Variants in AKNA observed in about 807,000 individuals in gnomAD.
AKNA encodes microtubule organization protein AKNA.
In AKNA, 67 loss-of-function variants were observed where a neutral mutation model predicts 138.8. That is an observed-to-expected ratio of 0.48 (90% confidence interval 0.40 to 0.59). The LOEUF (loss-of-function observed/expected upper bound fraction) is 0.59. Among genes scored for constraint, AKNA ranks in the 20% least tolerant of loss-of-function variants. The pLI is 0.00. For synonymous variants in AKNA, 737 were observed against 754.4 expected, an observed-to-expected ratio of 0.98 and a Z score of 0.38; for missense variants, 1,813 against 1,880.4, an observed-to-expected ratio of 0.96 and a Z score of 0.66.
intron 14 of AKNA, among the ~76,000 whole-genome samples, chr9:114,353,198 T>C (rs1474913486): frequency 1.3e-5 from 2 of 152,062 alleles, no homozygotes; most frequent in African/African-American, 2.4e-5. Flanking sequence ...AAAGTGTTTA[T>C]AGTACAATTT....
intron 6 of AKNA, among the ~76,000 whole-genome samples, chr9:114,364,916 G>A (rs1262451011): frequency 6.6e-6 from 1 of 152,108 alleles, no homozygotes; most frequent in Non-Finnish European, 1.5e-5. Context: ...GTAGGGAGGG[G>A]ACAAGAAATT....
In AKNA at chr9:114,381,119, T is replaced by A; in HGVS notation, c.215A>T (p.Asp72Val). ...ATGCCCATCGGGCTGCGGGTGTGGGTCCCACTCCAGGGGCGGCAGGTGCTG... is the reference window on the plus strand; with the variant it reads ...ATGCCCATCGGGCTGCGGGTGTGGGACCCACTCCAGGGGCGGCAGGTGCTG... The part of the protein sequence containing the change: ...AQQHLPPLEW[D>V]PHPQPDGHQD... Residue 72 changes from aspartate to valine, a missense_variant, in exon 2 of 22, where the codon GAC becomes GTC. By Grantham distance (152) the Asp-to-Val change is radical. Coordinates refer to ENST00000374088, the MANE Select transcript of AKNA (RefSeq NM_001317950.2). 1 of 1,611,310 alleles carries A rather than the reference T, an allele frequency of 6.2e-7. No individual in the cohort carries two copies. The highest frequency in any genetic ancestry group is 8.5e-7 in the Non-Finnish European group (1 of 1,179,028).
chr9:114,378,938 C>G (rs1042360749), intron 2 of AKNA, among the ~76,000 whole-genome samples: 1 of 152,224 alleles, frequency 6.6e-6, no homozygotes, highest in African/African-American at 2.4e-5. Flanking sequence ...GTCGCACTCT[C>G]TGTTCCTCCA....
At chr9:114,332,587 C>T (rs1252290996), downstream of AKNA, among the ~76,000 whole-genome samples, 1 of 152,048 alleles carries the variant, frequency 6.6e-6, no homozygotes, top group Non-Finnish European at 1.5e-5. Flanking sequence ...GAGATGACCA[C>T]CAGGGATGTG....
chr9:114,381,556 G>T, intron 1 of AKNA, 110 bp from the exon 2 acceptor site: 1 of 1,123,454 alleles, frequency 8.9e-7, no homozygotes, highest in Non-Finnish European at 1.1e-6. Flanking sequence ...TTCAACTCCT[G>T]GTTGTGTCCT....
intron 6 of AKNA, among the ~76,000 whole-genome samples, chr9:114,366,539 T>C (rs1480953504): frequency 2.0e-5 from 3 of 152,184 alleles, no homozygotes; most frequent in African/African-American, 7.2e-5. Flanking sequence ...ATGAAAATGT[T>C]CTAAAACTGA....
intron 11 of AKNA, 177 bp from the exon 12 acceptor site, chr9:114,358,344 C>T (rs1831662276): frequency 2.8e-6 from 2 of 717,770 alleles, no homozygotes; most frequent in East Asian, 6.2e-5. Flanking sequence ...CACTTCCCCT[C>T]TCTCAACCTC....
chr9:114,337,039 G>A lies in AKNA; in HGVS notation c.*15C>T. Reference sequence around the variant, plus strand: ...CCCACCCACCCACCCATCTGCCTCTGGGCCCCCAGTGAAGTCAGAAGAGGC... The same window carrying A: ...CCCACCCACCCACCCATCTGCCTCTAGGCCCCCAGTGAAGTCAGAAGAGGC... On this transcript the variant is annotated 3_prime_UTR_variant, in exon 22 of 22. Coordinates refer to ENST00000374088, the MANE Select transcript of AKNA (RefSeq NM_001317950.2). The A allele has an allele frequency of 3.7e-6, 1 of 267,928 alleles. No individual in the cohort carries two copies. Among genetic ancestry groups the A allele is most frequent in the East Asian group, 2.6e-4 (1 of 3,826 alleles). 16.6% of individuals were successfully genotyped at this position (267,928 alleles called of 1,614,324 possible).
At chr9:114,332,495 A>C (rs1829872143), downstream of AKNA, among the ~76,000 whole-genome samples, 1 of 152,090 alleles carries the variant, frequency 6.6e-6, no homozygotes, top group African/African-American at 2.4e-5. Flanking sequence ...AGCACCGATG[A>C]GCTGGTTCCA....
chr9:114,351,173 G>T, intron 14 of AKNA, 152 bp from the exon 15 acceptor site: 1 of 786,900 alleles, frequency 1.3e-6, no homozygotes, highest in Non-Finnish European at 2.0e-6. Flanking sequence ...GACCCACACT[G>T]ACCTCCAAAC....
rs181193530 is a variant in AKNA at position 114,349,596 on chromosome 9, A to G, written c.3221+1263T>C. 1.2e-4 allele frequency among the ~76,000 whole-genome samples: 19 copies of G among 152,178 alleles called. No homozygotes were observed. The East Asian group carries it at 3.1e-3, about 25-fold the overall frequency. On this transcript the variant is annotated intron_variant, in intron 15 of 21. Transcript: ENST00000374088. ...GCCGGTGGCCAGAGAACTCTAAAAC[A>G]TAAACCTGCCTACGCTACGTCCCTG...
intron 2 of AKNA, among the ~76,000 whole-genome samples, chr9:114,380,199 G>A (rs1833537019): frequency 6.6e-6 from 1 of 151,874 alleles, no homozygotes; most frequent in African/African-American, 2.4e-5. Context: ...CCGGGACTAA[G>A]TAATTCAAAT....
chr9:114,377,178 T>A lies in AKNA; in HGVS notation c.629A>T (p.His210Leu), dbSNP rs774365743. The A allele has an allele frequency of 3.7e-6, 6 of 1,614,134 alleles. No homozygotes were observed. Among genetic ancestry groups the A allele is most frequent in the Non-Finnish European group, 5.1e-6 (6 of 1,180,002 alleles). Residue 210 changes from histidine (H) to leucine (L), a missense_variant, in exon 3 of 22, where the codon CAC becomes CTC. His to Leu is a moderately conservative substitution (Grantham distance 99). Transcript: ENST00000374088. ...GGTAGAATCAAGGCTGTCACTAGGGTGGTCGAGGCTCACTGTCCCACTGCT... is the reference window on the plus strand; with the variant it reads ...GGTAGAATCAAGGCTGTCACTAGGGAGGTCGAGGCTCACTGTCCCACTGCT... ...SWSSGTVSLD[H>L]PSDSLDSTWE...
intron 21 of AKNA, among the ~76,000 whole-genome samples, chr9:114,337,933 C>T (rs1271839247): frequency 6.6e-6 from 1 of 152,164 alleles, no homozygotes. Flanking sequence ...AATGGGCTGA[C>T]AAGCCCATTG....
At chr9:114,359,311 C>T in intron 11 of AKNA, 1 of 535,240 alleles carries the variant, frequency 1.9e-6, no homozygotes, top group Admixed American at 3.8e-5. Flanking sequence ...TCAAGTGATC[C>T]ACCTGCCTTG....
At position 114,376,600 on chromosome 9, in the gene AKNA, T is replaced by C. The variant is rs1326683105; in HGVS notation, c.1207A>G (p.Ile403Val). Residue 403 changes from isoleucine (I) to valine (V), a missense_variant, in exon 3 of 22, where the codon ATT becomes GTT. Physicochemically the swap from Ile to Val is conservative, Grantham distance 29. Transcript: ENST00000374088. ...RPLIFKSPAE[I>V]VQEVLLSSGE... ...CTGCTCAACAGCACCTCCTGCACAATCTCAGCTGGAGACTTGAAGATGAGG... is the reference window on the plus strand; with the variant it reads ...CTGCTCAACAGCACCTCCTGCACAACCTCAGCTGGAGACTTGAAGATGAGG... 6.2e-7 allele frequency: 1 copy of C among 1,614,130 alleles called. No individual in the cohort carries two copies. The highest frequency in any genetic ancestry group is 8.5e-7 in the Non-Finnish European group (1 of 1,180,020).
In AKNA at chr9:114,343,864, G is replaced by A. The variant is rs1830514937; in HGVS notation, c.3662-61C>T. On this transcript the variant is annotated intron_variant, in intron 18 of 21. Transcript: ENST00000374088. The stretch of plus-strand genomic sequence containing the variant: ...TGTGGATGGATGCAAAATAGAGGAA[G>A]ATTCTGGAATAATGATCTCCTCTTC... 3.6e-5 allele frequency: 51 copies of A among 1,405,102 alleles called. 1 individual carries two copies. The South Asian group carries it at 5.8e-4, about 16-fold the overall frequency. The allele number at this position is 1,405,102 out of a possible 1,614,324, so 87.0% of individuals were successfully genotyped here. A position where few individuals can be genotyped will look rare whatever the true frequency, so the allele number is the denominator to read the frequency against.
At chr9:114,352,005 T>C (rs1483429180) in intron 14 of AKNA, among the ~76,000 whole-genome samples, 11 of 152,214 alleles carry the variant, frequency 7.2e-5, no homozygotes, top group Non-Finnish European at 4.4e-5. Context: ...ATTCTATTTA[T>C]AGAACATTCT....
In AKNA at chr9:114,381,253, G is replaced by C. The variant is rs772505794; in HGVS notation, c.81C>G (p.Ala27=). Residue 27 remains alanine (A), a synonymous_variant, in exon 2 of 22, where the codon GCC becomes GCG. Coordinates refer to ENST00000374088, the MANE Select transcript of AKNA (RefSeq NM_001317950.2). The part of the protein sequence containing the change: ...KGPQRRRWAW[A]EDKRDVDRSS... ...TTCTATCCACATCCCTCTTGTCCTC[G>C]GCCCAGGCCCAGCGCCGCCGCTGGG... 6.2e-7 allele frequency: 1 copy of C among 1,613,804 alleles called. No individual in the cohort carries two copies.
Sources: allele counts gnomAD v4.1 joint callset (sites outside exome capture counted in the v4.1 genomes callset), GRCh38; gene constraint gnomAD v4.1.1; transcripts MANE v1.5; gene names NCBI Gene and HGNC (gene_info 2026-07-23, HGNC 2026-07-21).